Variants in STK3 observed in about 807,000 individuals in gnomAD.
STK3 encodes the protein serine/threonine kinase 3.
STK3 carries 41 observed loss-of-function variants against 58.0 expected under a neutral mutation model. The ratio of observed to expected loss-of-function variants is 0.71; its 90% CI spans 0.55 to 0.92. The LOEUF (loss-of-function observed/expected upper bound fraction) is 0.92, where lower values mean the gene tolerates loss of function less well. Among genes scored for constraint, STK3 ranks in the 40% least tolerant of loss-of-function variants. The probability of loss-of-function intolerance (pLI) is 0.00; values close to 1 mark genes in which losing one functional copy is unlikely to be tolerated. For synonymous variants in STK3, 170 were observed against 191.0 expected (o/e 0.89, Z 0.91); for missense variants, 479 against 602.7 (o/e 0.79, Z 2.15).
rs373399577 is a variant in STK3 at position 98,754,257 on chromosome 8, C to CA, written c.237-4868dup. Among the ~76,000 whole-genome samples, 353 of 145,458 alleles carry CA rather than the reference C, an allele frequency of 2.4e-3. 1 individual carries two copies. The highest frequency in any genetic ancestry group is 7.5e-3 in the African/African-American group (299 of 39,914). On this transcript the variant is annotated intron_variant, in intron 3 of 10. Transcript: ENST00000419617. ...ACTTAGAACTGCAACATATGAGAAACAAAAAAAAAAATTCTTTACATGTAC... is the reference window on the plus strand; with the variant it reads ...ACTTAGAACTGCAACATATGAGAAACAAAAAAAAAAAATTCTTTACATGTAC...
At chr8:98,398,123 C>T (rs1435434869), downstream of STK3, among the ~76,000 whole-genome samples, 1 of 152,204 alleles carries the variant, frequency 6.6e-6, no homozygotes, top group Non-Finnish European at 1.5e-5. Context: ...GCTGCCACCC[C>T]TCAGCAGAGA....
chr8:98,348,339 T>A, the STK3 span, among the ~76,000 whole-genome samples: 1 of 151,612 alleles, frequency 6.6e-6, no homozygotes, highest in Non-Finnish European at 1.5e-5. Context: ...AGAAAGAAAA[T>A]CTAGATGACC....
intron 8 of STK3, among the ~76,000 whole-genome samples, chr8:98,550,035 C>T (rs1200786496): frequency 6.6e-6 from 1 of 152,202 alleles, no homozygotes; most frequent in African/African-American, 2.4e-5. Flanking sequence ...AAAGAATCTG[C>T]TATTTAGAAA....
rs994763295 is a variant in STK3, at chr8:98,800,647, G to A, written c.26+24868C>T. Among the ~76,000 whole-genome samples, 2 of 152,330 alleles carry A rather than the reference G, an allele frequency of 1.3e-5. No homozygotes were observed. The highest frequency in any genetic ancestry group is 2.4e-5 in the African/African-American group (1 of 41,590). On this transcript the variant is annotated intron_variant, in intron 1 of 10. Transcript: ENST00000419617. The surrounding 1 kb of genome is among the most constrained non-coding windows in gnomAD (Gnocchi z 4.8). ...GCACTCATGGGCCAGCACGAGTTCC[G>A]GGTGGGTGTGGGCTTGATGGGCCCC...
At chr8:98,840,948 G>T (rs550851462) in intron 3 of STK3, among the ~76,000 whole-genome samples, 1 of 152,210 alleles carries the variant, frequency 6.6e-6, no homozygotes, top group South Asian at 2.1e-4. Context: ...GGTGTTTTTG[G>T]CAAGATTCAG....
At chr8:98,467,148 T>C (rs752815794) in intron 10 of STK3, among the ~76,000 whole-genome samples, 3 of 152,122 alleles carry the variant, frequency 2.0e-5, no homozygotes, top group Non-Finnish European at 4.4e-5. Context: ...CAGGTAACCG[T>C]ATCCCTTTCC....
chr8:98,483,510 G>A (rs1822006394), intron 10 of STK3, among the ~76,000 whole-genome samples: 1 of 152,178 alleles, frequency 6.6e-6, no homozygotes, highest in Admixed American at 6.5e-5. Context: ...AGATGGGGGT[G>A]AGGAGGGAAA....
intron 3 of STK3, among the ~76,000 whole-genome samples, chr8:98,407,701 C>T (rs952496269): frequency 4.6e-5 from 7 of 151,048 alleles, no homozygotes; most frequent in Non-Finnish European, 8.8e-5. Flanking sequence ...TTCTAGCCCA[C>T]TCAGATGAGT....
chr8:98,668,088 T>C (rs1822507025), intron 6 of STK3, among the ~76,000 whole-genome samples: 1 of 152,090 alleles, frequency 6.6e-6, no homozygotes, highest in South Asian at 2.1e-4. Context: ...ATATAAGAAA[T>C]TTTTAAATAG....
At chr8:98,711,504 C>T (rs570245008) in intron 4 of STK3, among the ~76,000 whole-genome samples, 3 of 152,006 alleles carry the variant, frequency 2.0e-5, no homozygotes, top group African/African-American at 7.2e-5. Context: ...CCTCAGTAGC[C>T]GATTCAATCA....
At chr8:98,924,963 T>A (rs73279736) in intron 1 of STK3, among the ~76,000 whole-genome samples, 2,505 of 152,228 alleles carry the variant, frequency 0.016, 59 homozygotes, top group African/African-American at 0.057. Flanking sequence ...GACAAAATCC[T>A]CTGATTTTGA....
chr8:98,699,353 C>A (rs1587343561), intron 6 of STK3, among the ~76,000 whole-genome samples: 2 of 152,198 alleles, frequency 1.3e-5, no homozygotes, highest in Admixed American at 1.3e-4. Context: ...AAGCCTTCTT[C>A]TCTCAACTCG....
intron 8 of STK3, among the ~76,000 whole-genome samples, chr8:98,562,214 T>C (rs561560219): frequency 1.3e-5 from 2 of 152,276 alleles, no homozygotes; most frequent in African/African-American, 4.8e-5. Flanking sequence ...TATGAATGTA[T>C]ACAGCAGCTT....
rs1007045325 is a variant in STK3 at position 98,585,315 on chromosome 8, A to G, written c.823-5526T>C. Among the ~76,000 whole-genome samples the G allele has an allele frequency of 9.1e-3, 1,381 of 152,210 alleles. 17 individuals are homozygous for G. Among genetic ancestry groups the G allele is most frequent in the African/African-American group, 0.031 (1,301 of 41,486 alleles). On this transcript the variant is annotated intron_variant, in intron 7 of 10. Coordinates refer to ENST00000419617, the MANE Select transcript of STK3 (RefSeq NM_006281.4). ...ATCCAGTTTCAGCCTTCTACATATG[A>G]CTAGCCAATTTTCCCAGCACCATTT...
In STK3 at chr8:98,770,541, A is replaced by C. The variant is rs146193823; in HGVS notation, c.108-3170T>G. 4.5e-4 allele frequency among the ~76,000 whole-genome samples: 69 copies of C among 152,330 alleles called. No homozygotes were observed. In the East Asian group the frequency reaches 0.013, roughly 29 times the overall value. On this transcript the variant is annotated intron_variant, in intron 2 of 10. Transcript: ENST00000419617. ...CAGTTAACTGAAACCTGGACTCAAA[A>C]GTGGCCCATATTAAGTGAGATGCTA...
At chr8:98,713,964 G>T (rs922119690) in intron 4 of STK3, among the ~76,000 whole-genome samples, 2 of 152,186 alleles carry the variant, frequency 1.3e-5, no homozygotes, top group African/African-American at 4.8e-5. Flanking sequence ...TGGGATGCAA[G>T]GCTGGTTCAA....
rs181708354 is a variant in STK3, at chr8:98,807,289, T to C, written c.26+18226A>G. Among the ~76,000 whole-genome samples, 1,322 of 152,154 alleles carry C rather than the reference T, an allele frequency of 8.7e-3. 11 individuals carry two copies. Among genetic ancestry groups the C allele is most frequent in the African/African-American group, 0.03 (1,246 of 41,530 alleles). On this transcript the variant is annotated intron_variant, in intron 1 of 10. Transcript: ENST00000419617. The stretch of plus-strand genomic sequence containing the variant: ...GTTTTGTTTTGGAGACAGAGTCTCA[T>C]TCTGTTGCCCAGGCTGGAGTGCAAT...
the STK3 span, among the ~76,000 whole-genome samples, chr8:98,356,560 A>G: frequency 0.32 from 49,111 of 151,852 alleles, 8,046 homozygotes; most frequent in Middle Eastern, 0.5. Flanking sequence ...GCCGAAAGCC[A>G]GGGGGGCTCC....
At chr8:98,580,390 G>A (rs1813774084) in intron 7 of STK3, among the ~76,000 whole-genome samples, 2 of 152,156 alleles carry the variant, frequency 1.3e-5, no homozygotes, top group Admixed American at 6.5e-5. Context: ...AAATAGCTAA[G>A]CTCTCTATCA....
Sources: gnomAD v4.1 joint callset for allele counts (sites outside exome capture counted in the v4.1 genomes callset) on GRCh38, gnomAD v4.1.1 for gene constraint, Gnocchi (gnomAD v3.1) non-coding constraint, MANE v1.5 for transcripts, NCBI Gene and HGNC (gene_info 2026-07-23, HGNC 2026-07-21) for gene names.